The following NRXN1 variants were observed in gnomAD, a reference collection of about 807,000 sequenced individuals.
The protein encoded by NRXN1 is neurexin 1.
NRXN1 carries 39 observed loss-of-function variants against 150.9 expected under a neutral mutation model. That is an observed-to-expected ratio of 0.26 (90% CI 0.20 to 0.34). NRXN1 has a LOEUF of 0.34. NRXN1 is among the 10% of genes least tolerant of loss of function. NRXN1 has a pLI of 1.00. For missense variants in NRXN1, 1,815 were observed against 1,949.9 expected (o/e 0.93, Z 1.30); for synonymous variants, 924 against 757.0 (o/e 1.22, Z -3.62).
intron 18 of NRXN1, 105 bp from the exon 19 acceptor site, chr2:50,091,599 T>A (rs1253768221): frequency 4.2e-6 from 5 of 1,179,932 alleles, no homozygotes; most frequent in Non-Finnish European, 4.9e-6. Context: ...GGACAACAGC[T>A]GCTTTCCTCC....
At chr2:50,267,571 T>A (rs1033114056) in intron 17 of NRXN1, among the ~76,000 whole-genome samples, 12 of 152,056 alleles carry the variant, frequency 7.9e-5, no homozygotes, top group Admixed American at 7.2e-4. Flanking sequence ...GGAGCAAATG[T>A]TAGGCTTTTT....
intron 17 of NRXN1, among the ~76,000 whole-genome samples, chr2:50,241,020 G>T (rs1228991060): frequency 6.6e-6 from 1 of 151,470 alleles, no homozygotes; most frequent in Non-Finnish European, 1.5e-5. Flanking sequence ...TTCCTACCTC[G>T]TAATTTTTAT....
chr2:50,604,787 C>T (rs1037848678), intron 8 of NRXN1, among the ~76,000 whole-genome samples: 2 of 151,762 alleles, frequency 1.3e-5, no homozygotes, highest in Non-Finnish European at 2.9e-5. Context: ...AATGTAATTA[C>T]AATGAATCTA....
At chr2:50,493,401 T>C (rs532984077) in intron 15 of NRXN1, among the ~76,000 whole-genome samples, 1 of 152,302 alleles carries the variant, frequency 6.6e-6, no homozygotes, top group East Asian at 1.9e-4. Context: ...TTGGTTTCAA[T>C]GCCCCACTAC....
Position 50,760,628 on chromosome 2 carries a change from C to G in NRXN1, c.833-137013G>C, listed in dbSNP as rs528760122. On this transcript the variant is annotated intron_variant, in intron 5 of 22. Transcript: ENST00000401669. Reference sequence around the variant, plus strand: ...ACCTTCTCTCATTCCTATAACCAATCATTTTTAAAAGTCTGGCAGAATCTC... The same window carrying G: ...ACCTTCTCTCATTCCTATAACCAATGATTTTTAAAAGTCTGGCAGAATCTC... Among the ~76,000 whole-genome samples the G allele has an allele frequency of 1.1e-4, 17 of 151,780 alleles. 1 individual carries two copies. The South Asian group carries it at 3.5e-3, about 32-fold the overall frequency.
chr2:50,933,179 A>C (rs1688026952), intron 2 of NRXN1, among the ~76,000 whole-genome samples: 1 of 152,128 alleles, frequency 6.6e-6, no homozygotes, highest in African/African-American at 2.4e-5. Flanking sequence ...TTATTCCATA[A>C]ATTTCTTGCT....
At chr2:50,281,316 C>CACAAAAAAAAAAAAAACAAACAAAAAAA (rs1187135501) in intron 17 of NRXN1, among the ~76,000 whole-genome samples, 1 of 124,630 alleles carries the variant, frequency 8.0e-6, no homozygotes, top group African/African-American at 2.9e-5. Context: ...GACTCCGTCT[C>CACAAAAAAAAAAAAAACAAACAAAAAAA]AAAAACAATA....
At chr2:50,171,300 T>C (rs936387968) in intron 18 of NRXN1, among the ~76,000 whole-genome samples, 4 of 152,008 alleles carry the variant, frequency 2.6e-5, no homozygotes, top group Non-Finnish European at 5.9e-5. Flanking sequence ...ATATTTGCAA[T>C]TGAATGAAAA....
chr2:50,134,353 A>G (rs1260756148), intron 18 of NRXN1, among the ~76,000 whole-genome samples: 1 of 151,954 alleles, frequency 6.6e-6, no homozygotes, highest in Non-Finnish European at 1.5e-5. Context: ...CATGGCCATC[A>G]TTAAGGATAT....
intron 4 of NRXN1, 130 bp from the exon 5 acceptor site, chr2:50,922,010 A>T: frequency 4.2e-6 from 2 of 470,884 alleles, no homozygotes; most frequent in Non-Finnish European, 7.5e-6. Flanking sequence ...ACAAGACATG[A>T]AAGTATAAAC....
chr2:50,959,364 T>A lies in NRXN1; in HGVS notation c.773-33409A>T, dbSNP rs191890177. Among the ~76,000 whole-genome samples the A allele has an allele frequency of 3.9e-5, 6 of 152,160 alleles. 1 individual carries two copies. The highest frequency in any genetic ancestry group is 1.4e-4 in the African/African-American group (6 of 41,536). ...AATATGGAAACAACCCAAATATCCA[T>A]CAACTGATGAATGAATGAATAAAAT... On this transcript the variant is annotated intron_variant, in intron 2 of 22. Coordinates refer to ENST00000401669, the MANE Select transcript of NRXN1 (RefSeq NM_001330078.2).
intron 15 of NRXN1, among the ~76,000 whole-genome samples, chr2:50,484,226 A>G (rs551219253): frequency 6.6e-6 from 1 of 152,364 alleles, no homozygotes; most frequent in South Asian, 2.1e-4. Flanking sequence ...TCCTGGAGTC[A>G]AATCACACTC....
chr2:50,839,061 G>A (rs1486362286), intron 5 of NRXN1, among the ~76,000 whole-genome samples: 1 of 152,084 alleles, frequency 6.6e-6, no homozygotes, highest in Non-Finnish European at 1.5e-5. Flanking sequence ...TTTCCCCTTG[G>A]AGAACTGACA....
At chr2:50,499,337 C>T (rs939636945) in intron 13 of NRXN1, among the ~76,000 whole-genome samples, 1 of 152,094 alleles carries the variant, frequency 6.6e-6, no homozygotes, top group Non-Finnish European at 1.5e-5. Flanking sequence ...TGTTCTGATT[C>T]CCTTCCTGCA....
chr2:50,010,604 G>A (rs56347181), intron 21 of NRXN1, among the ~76,000 whole-genome samples: 2 of 152,088 alleles, frequency 1.3e-5, no homozygotes, highest in Admixed American at 6.6e-5. Flanking sequence ...CAGGAGTGCA[G>A]AGACTCAGAC....
At chr2:50,812,008 T>C (rs1668278744) in intron 5 of NRXN1, among the ~76,000 whole-genome samples, 1 of 152,168 alleles carries the variant, frequency 6.6e-6, no homozygotes, top group Admixed American at 6.5e-5. Context: ...CTAGACTATA[T>C]GGCTAACTCT....
intron 17 of NRXN1, among the ~76,000 whole-genome samples, chr2:50,437,584 G>T (rs543291455): frequency 1.3e-5 from 2 of 152,148 alleles, no homozygotes; most frequent in Admixed American, 1.3e-4. Flanking sequence ...ATGTGTTGAG[G>T]GGGTGAGGCT....
intron 18 of NRXN1, among the ~76,000 whole-genome samples, chr2:50,215,398 T>C (rs2063326682): frequency 6.6e-6 from 1 of 152,066 alleles, no homozygotes. Flanking sequence ...CCAATTCATA[T>C]TAACATGACC....
chr2:50,922,444 A>G, intron 4 of NRXN1: 1 of 629,342 alleles, frequency 1.6e-6, no homozygotes, highest in South Asian at 1.9e-5. Flanking sequence ...TAATGCAAGA[A>G]ATGAAGGAAA....
Sources: allele counts gnomAD v4.1 joint callset (sites outside exome capture counted in the v4.1 genomes callset), GRCh38; gene constraint gnomAD v4.1.1; transcripts MANE v1.5; gene names NCBI Gene and HGNC (gene_info 2026-07-23, HGNC 2026-07-21).